OR6N2: variants seen among roughly 807,000 people sequenced by gnomAD.
OR6N2 encodes the protein olfactory receptor 6N2.
For missense variants in OR6N2, 399 were observed against 379.7 expected, an observed-to-expected ratio of 1.05 and a Z score of -0.42; for synonymous variants, 160 against 138.3, an observed-to-expected ratio of 1.16 and a Z score of -1.10.
At chr1:158,777,735 A>C in intron 1 of OR6N2, 94 bp from the exon 2 acceptor site, 1 of 723,110 alleles carries the variant, frequency 1.4e-6, no homozygotes, top group Non-Finnish European at 2.3e-6. Context: ...TTTAACTTAA[A>C]AGTAGCACTG....
chr1:158,780,530 G>GA (rs1428561380), intron 1 of OR6N2, among the ~76,000 whole-genome samples: 1 of 152,136 alleles, frequency 6.6e-6, no homozygotes, highest in African/African-American at 2.4e-5. Context: ...AAGATAAGCT[G>GA]AAAACGCATG....
Position 158,777,190 on chromosome 1 carries a change from C to A in OR6N2, c.446G>T (p.Trp149Leu). The change falls in exon 2 of 2, where the codon TGG becomes TTG. Residue 149 changes from tryptophan to leucine, a missense_variant. Coordinates refer to ENST00000641131, the MANE Select transcript of OR6N2 (RefSeq NM_001005278.2). ...TLCAKMAAAC[W>L]TCGFLCPISE... is the part of the protein sequence containing the mutation. The stretch of plus-strand genomic sequence containing the variant: ...AATGGGACACAGGAAGCCACAAGTC[C>A]AACAAGCAGCAGCCATCTTGGCACA... The A allele has an allele frequency of 6.2e-7, 1 of 1,613,990 alleles. No homozygotes were observed.
rs1369269791 is a variant in OR6N2 at position 158,781,175 on chromosome 1, A to G, written c.-12T>C. 6.6e-6 allele frequency: 1 copy of G among 152,228 alleles called. No homozygotes were observed. The highest frequency in any genetic ancestry group is 2.4e-5 in the African/African-American group (1 of 41,450). 9.4% of individuals were successfully genotyped at this position (152,228 alleles called of 1,614,324 possible). A position where few individuals can be genotyped will look rare whatever the true frequency, so the allele number is the denominator to read the frequency against. On this transcript the variant is annotated 5_prime_UTR_variant, in exon 1 of 2. Transcript: ENST00000641131. ...GTGCCCCTTAGTTCACCTACCAACC[A>G]CTGAACACTATTCAGTGTCTGCTTT... is the stretch of plus-strand genomic sequence containing the variant.
At position 158,774,537 on chromosome 1, in the gene OR6N2, T is replaced by C. The variant is rs1457245639; in HGVS notation, c.*2145A>G. On this transcript the variant is annotated 3_prime_UTR_variant, in exon 2 of 2. Coordinates refer to ENST00000641131, the MANE Select transcript of OR6N2 (RefSeq NM_001005278.2). The stretch of plus-strand genomic sequence containing the variant: ...CGGAGGGACCCAAAAAGCACTAGTC[T>C]TTGGAAAACAGTTAGACAGCTAATT... 1 of 152,182 alleles carries C rather than the reference T, an allele frequency of 6.6e-6. No individual in the cohort carries two copies. The highest frequency in any genetic ancestry group is 2.4e-5 in the African/African-American group (1 of 41,426). 9.4% of individuals were successfully genotyped at this position (152,182 alleles called of 1,614,324 possible).
rs1657535339 is a variant in OR6N2, at chr1:158,774,629, A to G, written c.*2053T>C. 1 of 152,216 alleles carries G rather than the reference A, an allele frequency of 6.6e-6. No individual in the cohort carries two copies. Among genetic ancestry groups the G allele is most frequent in the Admixed American group, 6.5e-5 (1 of 15,270 alleles). 9.4% of individuals were successfully genotyped at this position (152,216 alleles called of 1,614,324 possible). ...ATGCATTTTCCCAAATGACATGAAA[A>G]TTTATGTTTACGCATAACCATATCA... On this transcript the variant is annotated 3_prime_UTR_variant, in exon 2 of 2. Transcript: ENST00000641131.
At chr1:158,780,029 G>C (rs1324769157) in intron 1 of OR6N2, among the ~76,000 whole-genome samples, 1 of 152,114 alleles carries the variant, frequency 6.6e-6, no homozygotes, top group Non-Finnish European at 1.5e-5. Flanking sequence ...CTAAATTTAA[G>C]TTACATTTTC....
Position 158,777,195 on chromosome 1 carries a change from A to G in OR6N2, c.441T>C (p.Ala147=). The part of the protein sequence containing the change: ...TTTLCAKMAA[A]CWTCGFLCPI... ...GACACAGGAAGCCACAAGTCCAACA[A>G]GCAGCAGCCATCTTGGCACAGAGTG... The change falls in exon 2 of 2, where the codon GCT becomes GCC. Residue 147 remains alanine (A), a synonymous_variant. Coordinates refer to ENST00000641131, the MANE Select transcript of OR6N2 (RefSeq NM_001005278.2). 2 of 1,614,138 alleles carry G rather than the reference A, an allele frequency of 1.2e-6. No individual in the cohort carries two copies. The highest frequency in any genetic ancestry group is 1.7e-6 in the Non-Finnish European group (2 of 1,180,024).
Position 158,777,180 on chromosome 1 carries a change from G to T in OR6N2, c.456C>A (p.Gly152=), listed in dbSNP as rs149116336. The part of the protein sequence containing the change: ...AKMAAACWTC[G]FLCPISEVIL... ...TGACCTCAGAAATGGGACACAGGAA[G>T]CCACAAGTCCAACAAGCAGCAGCCA... Residue 152 remains glycine (G), a synonymous_variant, in exon 2 of 2, where the codon GGC becomes GGA. Transcript: ENST00000641131. 83 of 1,614,110 alleles carry T rather than the reference G, an allele frequency of 5.1e-5. 1 individual carries two copies. The African/African-American group carries it at 9.5e-4, about 18-fold the overall frequency.
intron 1 of OR6N2, among the ~76,000 whole-genome samples, chr1:158,778,004 T>C (rs1657654679): frequency 6.6e-6 from 1 of 152,202 alleles, no homozygotes; most frequent in Admixed American, 6.5e-5. Context: ...ATTTAGACCA[T>C]CCTCAAGCAT....
Position 158,777,257 on chromosome 1 carries a change from A to G in OR6N2, c.379T>C (p.Cys127Arg). 1 of 1,614,174 alleles carries G rather than the reference A, an allele frequency of 6.2e-7. No individual in the cohort carries two copies. Among genetic ancestry groups the G allele is most frequent in the Non-Finnish European group, 8.5e-7 (1 of 1,180,018 alleles). ...ATTATAGGGTAGTGGAGGGGCCGAC[A>G]AATGGCCAGGTATCTATCATAGGCC... ...AMAYDRYLAI[C>R]RPLHYPIIMT... Residue 127 changes from cysteine to arginine, a missense_variant, in exon 2 of 2, where the codon TGT (cysteine) becomes CGT (arginine). Cys to Arg is a radical substitution (Grantham distance 180). Transcript: ENST00000641131.
intron 1 of OR6N2, among the ~76,000 whole-genome samples, chr1:158,778,123 T>A (rs1043969793): frequency 6.6e-6 from 1 of 152,240 alleles, no homozygotes; most frequent in African/African-American, 2.4e-5. Flanking sequence ...ATGAGATTAA[T>A]GTAGTAGCAA....
In OR6N2 at chr1:158,777,223, G is replaced by A. The variant is rs769891596; in HGVS notation, c.413C>T (p.Thr138Ile). 1.2e-6 allele frequency: 2 copies of A among 1,614,134 alleles called. No homozygotes were observed. Among genetic ancestry groups the A allele is most frequent in the Admixed American group, 3.3e-5 (2 of 60,026 alleles). The change falls in exon 2 of 2, where the codon ACC (threonine) becomes ATC (isoleucine). Residue 138 changes from threonine to isoleucine, a missense_variant. Thr to Ile is a moderately conservative substitution (Grantham distance 89). Coordinates refer to ENST00000641131, the MANE Select transcript of OR6N2 (RefSeq NM_001005278.2). ...RPLHYPIIMTTTLCAKMAAAC... is the reference protein window; with the variant it reads ...RPLHYPIIMTITLCAKMAAAC... ...AGCAGCCATCTTGGCACAGAGTGTG[G>A]TGGTCATAATTATAGGGTAGTGGAG...
chr1:158,779,199 A>G (rs1455687994), intron 1 of OR6N2, among the ~76,000 whole-genome samples: 4 of 152,196 alleles, frequency 2.6e-5, no homozygotes, highest in Admixed American at 2.6e-4. Context: ...AATGTGTAAC[A>G]GATGCAAAAA....
At position 158,775,772 on chromosome 1, in the gene OR6N2, A is replaced by C. The variant is rs550788614; in HGVS notation, c.*910T>G. On this transcript the variant is annotated 3_prime_UTR_variant, in exon 2 of 2. Coordinates refer to ENST00000641131, the MANE Select transcript of OR6N2 (RefSeq NM_001005278.2). ...GATTGTTGGCATACATTAATAATTG[A>C]TTGGAATTATGGTTGTAAGAAAAGG... 6.6e-5 allele frequency: 10 copies of C among 152,306 alleles called. No individual in the cohort carries two copies. The highest frequency in any genetic ancestry group is 2.4e-4 in the African/African-American group (10 of 41,566). 9.4% of individuals were successfully genotyped at this position (152,306 alleles called of 1,614,324 possible).
intron 1 of OR6N2, among the ~76,000 whole-genome samples, chr1:158,780,573 C>T (rs987999940): frequency 1.3e-5 from 2 of 152,172 alleles, no homozygotes; most frequent in African/African-American, 2.4e-5. Flanking sequence ...TTAGCCTAGC[C>T]TCCCTTATAT....
intron 1 of OR6N2, among the ~76,000 whole-genome samples, chr1:158,780,315 C>A (rs944816038): frequency 2.0e-5 from 3 of 152,060 alleles, no homozygotes; most frequent in African/African-American, 7.2e-5. Flanking sequence ...TAAGGCCTAG[C>A]AAACATAATA....
rs765904597 is a variant in OR6N2, at chr1:158,777,647, G to T, written c.-6-6C>A. 4 of 1,556,830 alleles carry T rather than the reference G, an allele frequency of 2.6e-6. No individual in the cohort carries two copies. In the African/African-American group the frequency reaches 5.5e-5, roughly 21 times the overall value. On this transcript the variant is annotated splice_region_variant and splice_polypyrimidine_tract_variant and intron_variant, in intron 1 of 1. Transcript: ENST00000641131. ...TTGTATTGATCCATGGGAGGCTGAG[G>T]TAAAGAAGGAAAGAAGAAAACATTG...
At chr1:158,777,663 G>C in intron 1 of OR6N2, 22 bp from the exon 2 acceptor site, 18 of 1,433,226 alleles carry the variant, frequency 1.3e-5, no homozygotes, top group Non-Finnish European at 1.6e-5. Flanking sequence ...AAGGAAAGAA[G>C]AAAACATTGG....
intron 1 of OR6N2, among the ~76,000 whole-genome samples, chr1:158,778,144 A>G (rs1292460225): frequency 1.3e-5 from 2 of 152,194 alleles, no homozygotes; most frequent in African/African-American, 4.8e-5. Flanking sequence ...ATATTTTCCT[A>G]TTGTTCAATT....
Sources: gnomAD v4.1 joint callset for allele counts (sites outside exome capture counted in the v4.1 genomes callset) on GRCh38, gnomAD v4.1.1 for gene constraint, MANE v1.5 for transcripts, NCBI Gene and HGNC (gene_info 2026-07-23, HGNC 2026-07-21) for gene names.